Variants in C2CD2 observed in about 807,000 individuals in gnomAD.
The protein encoded by C2CD2 is C2 domain-containing protein 2.
Under a neutral mutation model 74.3 loss-of-function variants are expected in C2CD2, and 43 were observed. The ratio of observed to expected loss-of-function variants is 0.58; its 90% confidence interval spans 0.45 to 0.75. C2CD2 has a LOEUF of 0.75. Ranked by LOEUF, C2CD2 falls within the 30% of genes least tolerant of loss-of-function variation. C2CD2 has a pLI of 0.00. For missense variants in C2CD2, 801 were observed against 916.3 expected (o/e 0.87, Z 1.63); for synonymous variants, 422 against 390.7 (o/e 1.08, Z -0.94).
At position 41,893,034 on chromosome 21, in the gene C2CD2, C is replaced by T. The variant is rs565202191; in HGVS notation, c.1871-3690G>A. ...TTAGAACAGGAACAGGAGCCAGGCA[C>T]GGTGGCTCAGGCCTGTAATCCCAGC... On this transcript the variant is annotated intron_variant, in intron 13 of 13. Transcript: ENST00000380486. Among the ~76,000 whole-genome samples the T allele has an allele frequency of 2.0e-4, 31 of 152,296 alleles. 1 individual carries two copies. The highest frequency in any genetic ancestry group is 1.8e-3 in the Admixed American group (28 of 15,306).
intron 2 of C2CD2, among the ~76,000 whole-genome samples, chr21:41,927,667 C>T (rs559089777): frequency 1.4e-4 from 21 of 152,226 alleles, no homozygotes; most frequent in Middle Eastern, 3.4e-3. Flanking sequence ...GACGGGGTTT[C>T]ACTATGTTGG....
chr21:41,908,260 T>TGTGTGTGTGTGTGTGTGTGTGG, intron 8 of C2CD2: 1 of 181,478 alleles, frequency 5.5e-6, no homozygotes, highest in Non-Finnish European at 1.1e-5. Context: ...TGTGTGTGTG[T>TGTGTGTGTGTGTGTGTGTGTGG]GTAAAAGAAA....
At position 41,888,914 on chromosome 21, in the gene C2CD2, G is replaced by A. The variant is rs2064713616; in HGVS notation, c.*210C>T. ...GCTGTCAAGTCTCATTTAGCATCTG[G>A]TGGCAAGTTGGGCTTTTTTGTCCTC... On this transcript the variant is annotated 3_prime_UTR_variant, in exon 14 of 14. Transcript: ENST00000380486. 1 of 593,764 alleles carries A rather than the reference G, an allele frequency of 1.7e-6. No homozygotes were observed. Among genetic ancestry groups the A allele is most frequent in the Non-Finnish European group, 3.0e-6 (1 of 333,818 alleles). 36.8% of individuals were successfully genotyped at this position (593,764 alleles called of 1,614,324 possible). A position where few individuals can be genotyped will look rare whatever the true frequency, so the allele number is the denominator to read the frequency against.
At chr21:41,928,990 CT>C (rs142510921) in intron 2 of C2CD2, among the ~76,000 whole-genome samples, 2,521 of 152,016 alleles carry the variant, frequency 0.017, 30 homozygotes, top group Middle Eastern at 0.044. Flanking sequence ...AATATCATAC[CT>C]GTAATCTCAG....
chr21:41,949,582 C>T (rs189423280), intron 1 of C2CD2, among the ~76,000 whole-genome samples: 54 of 152,284 alleles, frequency 3.5e-4, no homozygotes, highest in African/African-American at 1.3e-3. Context: ...GACAGTGTGA[C>T]GATTCCTCAA....
At chr21:41,940,988 GATA>G (rs113364514) in intron 2 of C2CD2, among the ~76,000 whole-genome samples, 26 of 150,954 alleles carry the variant, frequency 1.7e-4, no homozygotes, top group African/African-American at 2.2e-4. Flanking sequence ...AATATATAAT[GATA>G]ATAATAATAA....
At chr21:41,950,528 C>A (rs2065441753) in intron 1 of C2CD2, among the ~76,000 whole-genome samples, 1 of 152,206 alleles carries the variant, frequency 6.6e-6, no homozygotes, top group Non-Finnish European at 1.5e-5. Flanking sequence ...GTCCTTGGAT[C>A]CTGGAAGGTG....
In C2CD2 at chr21:41,914,697, C is replaced by T; in HGVS notation, c.745G>A (p.Ala249Thr). 1 of 1,613,518 alleles carries T rather than the reference C, an allele frequency of 6.2e-7. No individual in the cohort carries two copies. Among genetic ancestry groups the T allele is most frequent in the Non-Finnish European group, 8.5e-7 (1 of 1,179,608 alleles). The change falls in exon 6 of 14, where the codon GCT becomes ACT. Residue 249 changes from alanine to threonine, a missense_variant. Ala to Thr is a moderately conservative substitution (Grantham distance 58). Transcript: ENST00000380486. ...AQNLQCAAST[A>T]QESCPPKPPR... ...GGTTTAGGAGGACAGGATTCCTGAGCAGTAGATGCAGCACACTGTAAGTTC... is the reference window on the plus strand; with the variant it reads ...GGTTTAGGAGGACAGGATTCCTGAGTAGTAGATGCAGCACACTGTAAGTTC...
At chr21:41,952,286 C>CA (rs1258577331) in intron 1 of C2CD2, among the ~76,000 whole-genome samples, 1 of 152,210 alleles carries the variant, frequency 6.6e-6, no homozygotes, top group Non-Finnish European at 1.5e-5. Flanking sequence ...AACTGATAGT[C>CA]AAAGCTTTTT....
In C2CD2 at chr21:41,914,194, T is replaced by C. The variant is rs538982122; in HGVS notation, c.844+404A>G. ...TGAGCCGAGATCGTGCCATTGCACTTCAGCCTGGGCAACAAGAGCGAAACT... is the reference window on the plus strand; with the variant it reads ...TGAGCCGAGATCGTGCCATTGCACTCCAGCCTGGGCAACAAGAGCGAAACT... On this transcript the variant is annotated intron_variant, in intron 6 of 13. Coordinates refer to ENST00000380486, the MANE Select transcript of C2CD2 (RefSeq NM_015500.2). Among the ~76,000 whole-genome samples the C allele has an allele frequency of 4.9e-3, 750 of 151,574 alleles. 21 individuals are homozygous for C. The South Asian group carries it at 0.069, about 14-fold the overall frequency.
intron 1 of C2CD2, among the ~76,000 whole-genome samples, chr21:41,944,369 A>T (rs1222938512): frequency 6.6e-6 from 1 of 151,840 alleles, no homozygotes; most frequent in Admixed American, 6.6e-5. Flanking sequence ...ACACACAAAA[A>T]AAATTAGCCA....
chr21:41,905,462 C>T (rs1292034352), intron 11 of C2CD2, among the ~76,000 whole-genome samples: 1 of 152,124 alleles, frequency 6.6e-6, no homozygotes, highest in Non-Finnish European at 1.5e-5. Flanking sequence ...GGATTACTGG[C>T]ATGCGCCACC....
intron 7 of C2CD2, among the ~76,000 whole-genome samples, chr21:41,911,113 T>C (rs1266239928): frequency 6.6e-6 from 1 of 151,946 alleles, no homozygotes. Flanking sequence ...TTGCTCTAAT[T>C]AAGTTTTTAA....
At position 41,926,447 on chromosome 21, in the gene C2CD2, T is replaced by C; in HGVS notation, c.379-4362A>G. On this transcript the variant is annotated intron_variant, in intron 2 of 13. Coordinates refer to ENST00000380486, the MANE Select transcript of C2CD2 (RefSeq NM_015500.2). This position sits in a 1 kb window ranked among gnomAD's most constrained non-coding sequence, Gnocchi z 8.0. ...GGGTCGGGGAGCCCTGGGCAGCAGA[T>C]GGAAGCACCACGGGGAGGGGAAAAC... 1.0e-6 allele frequency: 1 copy of C among 969,974 alleles called. No homozygotes were observed. Among genetic ancestry groups the C allele is most frequent in the Non-Finnish European group, 1.2e-6 (1 of 816,262 alleles). The allele number at this position is 969,974 out of a possible 1,614,324, so 60.1% of individuals were successfully genotyped here.
At chr21:41,951,983 C>T (rs920202068) in intron 1 of C2CD2, among the ~76,000 whole-genome samples, 13 of 152,206 alleles carry the variant, frequency 8.5e-5, no homozygotes, top group African/African-American at 3.1e-4. Flanking sequence ...GGAGGGGACT[C>T]AGCCTCAGAA....
At position 41,886,393 on chromosome 21, in the gene C2CD2, A is replaced by C. The variant is rs2064684368; in HGVS notation, c.*2731T>G. 1 of 152,238 alleles carries C rather than the reference A, an allele frequency of 6.6e-6. No homozygotes were observed. The highest frequency in any genetic ancestry group is 2.4e-5 in the African/African-American group (1 of 41,464). 9.4% of individuals were successfully genotyped at this position (152,238 alleles called of 1,614,324 possible). Reference sequence around the variant, plus strand: ...CATAAATACCCTACACCATGAAAAAACAAACCTGTATAAAACAGCTTGGAA... The same window carrying C: ...CATAAATACCCTACACCATGAAAAACCAAACCTGTATAAAACAGCTTGGAA... On this transcript the variant is annotated 3_prime_UTR_variant, in exon 14 of 14. Coordinates refer to ENST00000380486, the MANE Select transcript of C2CD2 (RefSeq NM_015500.2).
At chr21:41,898,584 C>A (rs922695735) in intron 13 of C2CD2, among the ~76,000 whole-genome samples, 6 of 152,210 alleles carry the variant, frequency 3.9e-5, no homozygotes, top group African/African-American at 1.4e-4. Context: ...AGCTTTTCTC[C>A]CTGTAGAGCC....
intron 11 of C2CD2, among the ~76,000 whole-genome samples, chr21:41,902,565 ACTT>A (rs1245822792): frequency 3.9e-5 from 6 of 152,322 alleles, no homozygotes; most frequent in African/African-American, 1.4e-4. Flanking sequence ...GATGCTTGTA[ACTT>A]ACACTTTCCT....
chr21:41,907,281 G>T, intron 9 of C2CD2, 115 bp from the exon 10 acceptor site: 1 of 848,934 alleles, frequency 1.2e-6, no homozygotes, highest in Non-Finnish European at 1.9e-6. Context: ...TTCCCTTAAG[G>T]TCACTTAGCA....
Sources: gnomAD v4.1 joint callset for allele counts (sites outside exome capture counted in the v4.1 genomes callset) on GRCh38, gnomAD v4.1.1 for gene constraint, Gnocchi (gnomAD v3.1) non-coding constraint, MANE v1.5 for transcripts, NCBI Gene and HGNC (gene_info 2026-07-23, HGNC 2026-07-21) for gene names.